Variants in EXOC4 observed in about 807,000 individuals in gnomAD.
EXOC4 encodes SEC8-like 1.
A neutral mutation model predicts 107.2 loss-of-function variants in EXOC4; 71 were observed. The observed-to-expected ratio is 0.66, with a 90% CI of 0.55 to 0.81. EXOC4 has a LOEUF of 0.81. Among genes scored for constraint, EXOC4 ranks in the 30% least tolerant of loss-of-function variants. The pLI is 0.00. For missense variants in EXOC4, 1,108 were observed against 1,189.6 expected, an observed-to-expected ratio of 0.93 and a Z score of 1.01; for synonymous variants, 456 against 441.2, an observed-to-expected ratio of 1.03 and a Z score of -0.42.
At chr7:133,994,985 G>A (rs920306680) in intron 14 of EXOC4, among the ~76,000 whole-genome samples, 4 of 152,154 alleles carry the variant, frequency 2.6e-5, no homozygotes, top group African/African-American at 9.7e-5. Flanking sequence ...GCCCTGAGGA[G>A]TTCACAAGCC....
chr7:133,535,995 T>C (rs113652892), intron 9 of EXOC4, among the ~76,000 whole-genome samples: 198 of 152,366 alleles, frequency 1.3e-3, no homozygotes, highest in African/African-American at 4.6e-3. Flanking sequence ...ATTCTGAGTT[T>C]AGTAGTTTTT....
intron 10 of EXOC4, among the ~76,000 whole-genome samples, chr7:133,656,108 G>A (rs958429910): frequency 4.6e-5 from 7 of 152,056 alleles, no homozygotes; most frequent in Non-Finnish European, 7.4e-5. Flanking sequence ...ATCCTTGACC[G>A]AAACGTCATC....
At chr7:133,281,273 T>G (rs966500703) in intron 2 of EXOC4, among the ~76,000 whole-genome samples, 2 of 146,462 alleles carry the variant, frequency 1.4e-5, no homozygotes, top group African/African-American at 5.2e-5. Context: ...CCCTAAAACT[T>G]AAAGTGTAAT....
intron 9 of EXOC4, among the ~76,000 whole-genome samples, chr7:133,618,994 T>G (rs996036971): frequency 1.3e-5 from 2 of 152,168 alleles, no homozygotes; most frequent in Non-Finnish European, 2.9e-5. Context: ...TTGATTTTGT[T>G]AGAATATTAC....
At chr7:133,462,300 A>G (rs1263796194) in intron 7 of EXOC4, among the ~76,000 whole-genome samples, 1 of 152,188 alleles carries the variant, frequency 6.6e-6, no homozygotes, top group African/African-American at 2.4e-5. Context: ...GTGTCAGCCT[A>G]CTGGTGGGGG....
chr7:133,774,193 C>T (rs182755880), intron 10 of EXOC4, among the ~76,000 whole-genome samples: 8 of 152,176 alleles, frequency 5.3e-5, no homozygotes, highest in African/African-American at 1.4e-4. Flanking sequence ...TTAACATCCC[C>T]GAAGAGCCAG....
chr7:133,824,606 G>A (rs6969736), intron 11 of EXOC4, among the ~76,000 whole-genome samples: 2,345 of 152,234 alleles, frequency 0.015, 57 homozygotes, highest in African/African-American at 0.053. Context: ...ATAAATTACC[G>A]TAAACTTAGT....
downstream of EXOC4, among the ~76,000 whole-genome samples, chr7:134,067,132 A>C (rs1288397725): frequency 1.4e-5 from 2 of 144,342 alleles, no homozygotes; most frequent in African/African-American, 5.1e-5. Flanking sequence ...CCTAGGCGAC[A>C]GAGCGACACT....
downstream of EXOC4, among the ~76,000 whole-genome samples, chr7:134,067,208 TG>T (rs1336223905): frequency 1.3e-5 from 2 of 150,416 alleles, no homozygotes; most frequent in African/African-American, 4.9e-5. Context: ...GAAGGGGTGC[TG>T]GAAACAAAGC....
At position 133,841,177 on chromosome 7, in the gene EXOC4, G is replaced by A. The variant is rs1255513823; in HGVS notation, c.1734+23633G>A. On this transcript the variant is annotated intron_variant, in intron 11 of 17. Transcript: ENST00000253861. ...CGGAAGGGGTGAGGGATCTCTCTGA[G>A]GGCACTAATCCCATTTCATGAGGGC... Among the ~76,000 whole-genome samples, 3 of 152,220 alleles carry A rather than the reference G, an allele frequency of 2.0e-5. No homozygotes were observed. In the East Asian group the frequency reaches 5.8e-4, roughly 29 times the overall value.
chr7:133,772,839 C>G (rs1319162706), intron 10 of EXOC4, among the ~76,000 whole-genome samples: 1 of 152,032 alleles, frequency 6.6e-6, no homozygotes, highest in Non-Finnish European at 1.5e-5. Flanking sequence ...GAGTTCTACG[C>G]TGTTACTCTT....
chr7:133,847,687 G>A (rs1030764778), intron 11 of EXOC4, among the ~76,000 whole-genome samples: 1 of 150,698 alleles, frequency 6.6e-6, no homozygotes, highest in African/African-American at 2.4e-5. Flanking sequence ...GCCCGGCCCG[G>A]TTAGGATTCT....
chr7:133,909,421 C>T (rs1799639817), intron 12 of EXOC4, among the ~76,000 whole-genome samples: 1 of 152,108 alleles, frequency 6.6e-6, no homozygotes, highest in Admixed American at 6.6e-5. Context: ...GAGGACGTGG[C>T]ATTTGAGCTC....
chr7:133,675,566 T>G (rs1000115409), intron 10 of EXOC4, among the ~76,000 whole-genome samples: 5 of 152,110 alleles, frequency 3.3e-5, no homozygotes, highest in South Asian at 2.1e-4. Flanking sequence ...CAGGGAAGAG[T>G]TGACTTTATT....
chr7:133,372,359 T>G (rs1796396362), intron 6 of EXOC4, among the ~76,000 whole-genome samples: 2 of 152,312 alleles, frequency 1.3e-5, no homozygotes, highest in South Asian at 4.1e-4. Flanking sequence ...ACACCTCCTT[T>G]CCTTCCTCCC....
At chr7:133,855,081 A>AT (rs61353777) in intron 11 of EXOC4, among the ~76,000 whole-genome samples, 1 of 91,204 alleles carries the variant, frequency 1.1e-5, no homozygotes, top group Non-Finnish European at 1.9e-5. Context: ...AAATATATCT[A>AT]AATATATATA....
intron 7 of EXOC4, among the ~76,000 whole-genome samples, chr7:133,467,974 A>G (rs552969680): frequency 5.2e-4 from 79 of 152,264 alleles, no homozygotes; most frequent in African/African-American, 1.8e-3. Flanking sequence ...CACTGAGGGA[A>G]GGACTTATTT....
At chr7:133,782,804 C>T (rs540518985) in intron 10 of EXOC4, among the ~76,000 whole-genome samples, 8 of 152,198 alleles carry the variant, frequency 5.3e-5, no homozygotes, top group East Asian at 3.9e-4. Context: ...ATAGCAAAGG[C>T]GAATGGTATT....
chr7:133,817,666 A>C (rs1797405830), intron 11 of EXOC4, 122 bp downstream of exon 11: 23 of 684,194 alleles, frequency 3.4e-5, no homozygotes, highest in Non-Finnish European at 5.1e-5. Flanking sequence ...AAAACAAAAG[A>C]AAATAAATAG....
Sources: allele counts gnomAD v4.1 joint callset (sites outside exome capture counted in the v4.1 genomes callset), GRCh38; gene constraint gnomAD v4.1.1; transcripts MANE v1.5; gene names NCBI Gene and HGNC (gene_info 2026-07-23, HGNC 2026-07-21).